Variants in RMDN2 observed in about 807,000 individuals in gnomAD.
RMDN2 encodes regulator of microtubule dynamics 2.
In RMDN2, 61 loss-of-function variants were observed where a neutral mutation model predicts 52.8. The ratio of observed to expected loss-of-function variants is 1.16; its 90% CI spans 0.94 to 1.43. The LOEUF is 1.43. Among genes scored for constraint, RMDN2 ranks in the 40% most tolerant of loss-of-function variants. The pLI, the probability that RMDN2 is intolerant of heterozygous loss-of-function variation, is 0.00. For synonymous variants in RMDN2, 180 were observed against 153.1 expected (o/e 1.18, Z -1.30); for missense variants, 592 against 475.3 (o/e 1.25, Z -2.28).
intron 2 of RMDN2, among the ~76,000 whole-genome samples, chr2:37,931,847 C>G (rs1275930779): frequency 1.3e-5 from 2 of 152,308 alleles, no homozygotes; most frequent in East Asian, 3.9e-4. Context: ...ATTCCCTCCT[C>G]TTGCTTGATC....
rs1379116705 is a variant in RMDN2 at position 38,032,554 on chromosome 2, T to A, written c.1713+28338T>A. Among the ~76,000 whole-genome samples the A allele has an allele frequency of 2.6e-5, 4 of 152,340 alleles. No individual in the cohort carries two copies. The East Asian group carries it at 7.7e-4, about 29-fold the overall frequency. ...AATAAAGCTGAAATAAACATTCACT[T>A]ACAGGCTGGGCACAGTGGCTCATGC... On this transcript the variant is annotated intron_variant, in intron 10 of 10. Transcript: ENST00000234195.
At position 37,929,529 on chromosome 2, in the gene RMDN2, A is replaced by G. The variant is rs1483064921; in HGVS notation, c.252A>G (p.Thr84=). ...TGGAGAAGTTAAACGAATTACTGACAAATATGGAAGAACTCAAAGAGGAAA... is the reference window on the plus strand; with the variant it reads ...TGGAGAAGTTAAACGAATTACTGACGAATATGGAAGAACTCAAAGAGGAAA... ...QILEKLNELL[T]NMEELKEEIR... Residue 84 remains threonine (T), a synonymous_variant, in exon 2 of 11, where the codon ACA becomes ACG. Coordinates refer to ENST00000354545, the MANE Select transcript of RMDN2 (RefSeq NM_001170791.3). The G allele has an allele frequency of 1.9e-6, 3 of 1,551,864 alleles. No individual in the cohort carries two copies. The highest frequency in any genetic ancestry group is 1.7e-6 in the Non-Finnish European group (2 of 1,146,982).
chr2:37,990,266 C>G (rs568991025), intron 6 of RMDN2, among the ~76,000 whole-genome samples: 13 of 151,750 alleles, frequency 8.6e-5, no homozygotes, highest in African/African-American at 2.9e-4. Flanking sequence ...CACCTGTAAT[C>G]ACAGCACTTT....
At chr2:37,975,718 G>T (rs1466895661) in intron 4 of RMDN2, among the ~76,000 whole-genome samples, 1 of 152,078 alleles carries the variant, frequency 6.6e-6, no homozygotes, top group Non-Finnish European at 1.5e-5. Context: ...AAGATCTATA[G>T]TAAATCACTA....
chr2:37,980,466 G>C (rs1673157297), intron 4 of RMDN2, among the ~76,000 whole-genome samples: 4 of 152,066 alleles, frequency 2.6e-5, no homozygotes, highest in Admixed American at 2.6e-4. Flanking sequence ...ACCACGCCCA[G>C]CTAATTTTTG....
chr2:37,947,641 A>T (rs1558454072), intron 2 of RMDN2, among the ~76,000 whole-genome samples: 1 of 152,212 alleles, frequency 6.6e-6, no homozygotes, highest in Non-Finnish European at 1.5e-5. Context: ...TTGATAAACT[A>T]TAAAAACAAC....
At chr2:38,060,363 C>A (rs1018205185) in intron 10 of RMDN2, among the ~76,000 whole-genome samples, 1 of 152,142 alleles carries the variant, frequency 6.6e-6, no homozygotes, top group African/African-American at 2.4e-5. Context: ...TTCCTGGAAA[C>A]CACATTGGAA....
At chr2:37,951,531 G>A (rs2124963260) in intron 2 of RMDN2, 1 of 1,612,280 alleles carries the variant, frequency 6.2e-7, no homozygotes. Flanking sequence ...AGAAGACACA[G>A]GCTTCACTGA....
upstream of RMDN2, among the ~76,000 whole-genome samples, chr2:37,923,565 A>G (rs1163064981): frequency 6.6e-6 from 1 of 152,216 alleles, no homozygotes; most frequent in East Asian, 1.9e-4. Flanking sequence ...GTTAAAAGAG[A>G]AAATTGTTTT....
chr2:37,971,478 C>T (rs559772362), intron 2 of RMDN2, among the ~76,000 whole-genome samples: 6 of 152,144 alleles, frequency 3.9e-5, no homozygotes, highest in Admixed American at 3.9e-4. Context: ...AAAATATATT[C>T]GTCTGTATTT....
chr2:38,036,078 T>A (rs1680559052), intron 10 of RMDN2: 1 of 151,512 alleles, frequency 6.6e-6, no homozygotes, highest in Admixed American at 6.6e-5. Context: ...CACATACTCA[T>A]GGGAACCCTG....
At chr2:37,955,563 G>A (rs1004460901) in intron 2 of RMDN2, among the ~76,000 whole-genome samples, 1 of 152,080 alleles carries the variant, frequency 6.6e-6, no homozygotes, top group African/African-American at 2.4e-5. Flanking sequence ...TGTTGTGGGA[G>A]GGACCCAGGG....
intron 1 of RMDN2, among the ~76,000 whole-genome samples, chr2:37,926,897 C>G (rs1666325973): frequency 6.6e-6 from 1 of 151,898 alleles, no homozygotes; most frequent in Non-Finnish European, 1.5e-5. Flanking sequence ...GATTGTACCA[C>G]TGCACTCCAG....
intron 10 of RMDN2, among the ~76,000 whole-genome samples, chr2:38,034,256 T>C (rs551732314): frequency 6.6e-6 from 1 of 152,284 alleles, no homozygotes; most frequent in East Asian, 1.9e-4. Context: ...ACTAAACTTG[T>C]GTGAGGATGA....
chr2:37,922,260 A>C (rs1666052308), upstream of RMDN2, among the ~76,000 whole-genome samples: 2 of 152,186 alleles, frequency 1.3e-5, no homozygotes, highest in South Asian at 4.1e-4. Context: ...TCAGTTTACA[A>C]ATTAAGAAAT....
intron 8 of RMDN2, among the ~76,000 whole-genome samples, chr2:38,000,403 C>T (rs1004890371): frequency 2.0e-5 from 3 of 152,170 alleles, no homozygotes; most frequent in African/African-American, 7.2e-5. Flanking sequence ...TGAAGTTTGA[C>T]AAACTTATAT....
chr2:37,948,678 A>G (rs969837724), intron 2 of RMDN2, among the ~76,000 whole-genome samples: 3 of 152,156 alleles, frequency 2.0e-5, no homozygotes, highest in African/African-American at 7.2e-5. Flanking sequence ...AACGATATTA[A>G]TCAGCTTCTA....
intron 2 of RMDN2, among the ~76,000 whole-genome samples, chr2:37,945,435 G>T (rs1460848193): frequency 2.0e-5 from 3 of 152,120 alleles, no homozygotes; most frequent in Non-Finnish European, 4.4e-5. Flanking sequence ...TCATCTTCCT[G>T]TGCCTTCTTC....
intron 2 of RMDN2, among the ~76,000 whole-genome samples, chr2:37,957,640 G>C (rs1669653120): frequency 6.6e-6 from 1 of 152,096 alleles, no homozygotes; most frequent in Non-Finnish European, 1.5e-5. Flanking sequence ...CAGAAGCTCT[G>C]TAGTTTAATT....
Sources: gnomAD v4.1 joint callset for allele counts (sites outside exome capture counted in the v4.1 genomes callset) on GRCh38, gnomAD v4.1.1 for gene constraint, MANE v1.5 for transcripts, NCBI Gene and HGNC (gene_info 2026-07-23, HGNC 2026-07-21) for gene names.